Variants in TNFSF8 observed in about 807,000 individuals in gnomAD.
The protein encoded by TNFSF8 is TNF superfamily member 8.
Under a neutral mutation model 22.0 loss-of-function variants are expected in TNFSF8, and 4 were observed. That is an observed-to-expected ratio of 0.18 (90% CI 0.09 to 0.42). The LOEUF (loss-of-function observed/expected upper bound fraction) is 0.42, where lower values mean the gene tolerates loss of function less well. TNFSF8 is among the 10% of genes least tolerant of loss of function. TNFSF8 has a pLI of 1.00. For missense variants in TNFSF8, 233 were observed against 281.8 expected, an observed-to-expected ratio of 0.83 and a Z score of 1.24; for synonymous variants, 106 against 112.5, an observed-to-expected ratio of 0.94 and a Z score of 0.37.
chr9:114,894,716 G>A (rs1037484930), intron 4 of TNFSF8, among the ~76,000 whole-genome samples: 8 of 152,196 alleles, frequency 5.3e-5, no homozygotes, highest in Non-Finnish European at 1.0e-4. Flanking sequence ...GCAAGCAAGC[G>A]TTCAGTAAGT....
At chr9:114,929,612 A>G (rs1828110064) in intron 1 of TNFSF8, among the ~76,000 whole-genome samples, 1 of 151,938 alleles carries the variant, frequency 6.6e-6, no homozygotes, top group African/African-American at 2.4e-5. Flanking sequence ...AGGATATAGA[A>G]CCTCAGAATC....
intron 2 of TNFSF8, among the ~76,000 whole-genome samples, chr9:114,911,288 C>T (rs1462045371): frequency 6.6e-6 from 1 of 152,182 alleles, no homozygotes; most frequent in African/African-American, 2.4e-5. Flanking sequence ...ATGTTTTAAT[C>T]CTTCCAAGAA....
At chr9:114,916,366 C>T (rs935333653) in intron 2 of TNFSF8, among the ~76,000 whole-genome samples, 3 of 152,126 alleles carry the variant, frequency 2.0e-5, no homozygotes, top group Admixed American at 2.0e-4. Context: ...CTATGCTTGG[C>T]GACTTTGCAT....
chr9:114,894,223 G>T, intron 4 of TNFSF8: 1 of 1,428,874 alleles, frequency 7.0e-7, no homozygotes, highest in South Asian at 1.2e-5. Context: ...GATACATTTT[G>T]ACGTTGTTGT....
At chr9:114,914,888 G>T (rs759322975) in intron 2 of TNFSF8, among the ~76,000 whole-genome samples, 3 of 152,174 alleles carry the variant, frequency 2.0e-5, no homozygotes, top group African/African-American at 4.8e-5. Flanking sequence ...ACCCAAAAGG[G>T]TTTGATTTTT....
At chr9:114,905,782 A>T in intron 3 of TNFSF8, 46 bp downstream of exon 3, 1 of 1,458,918 alleles carries the variant, frequency 6.9e-7, no homozygotes, top group South Asian at 1.1e-5. Flanking sequence ...GAAAAGCCAC[A>T]GAAGCGGTTT....
chr9:114,902,092 A>C lies in TNFSF8; in HGVS notation c.*1839T>G, dbSNP rs576242534. ...AGCATAACATCAGGGCCTACATTCC[A>C]TCTCAAACGGCTTGTCAAGGTCCTT... On this transcript the variant is annotated 3_prime_UTR_variant, in exon 4 of 4. Transcript: ENST00000223795. 50 of 985,354 alleles carry C rather than the reference A, an allele frequency of 5.1e-5. No individual in the cohort carries two copies. The African/African-American group carries it at 7.5e-4, about 15-fold the overall frequency. 61.0% of individuals were successfully genotyped at this position (985,354 alleles called of 1,614,324 possible). A position where few individuals can be genotyped will look rare whatever the true frequency, so the allele number is the denominator to read the frequency against.
At chr9:114,918,278 C>A in intron 1 of TNFSF8, 140 bp from the exon 2 acceptor site, 1 of 651,594 alleles carries the variant, frequency 1.5e-6, no homozygotes, top group Non-Finnish European at 2.4e-6. Flanking sequence ...AAAATTAATT[C>A]ACTGATGTAG....
rs956707028 is a variant in TNFSF8 at position 114,901,477 on chromosome 9, GA to G, written c.*2453del. The stretch of plus-strand genomic sequence containing the variant: ...TACCTCTGCTCAGAGAACAGTTGGT[GA>G]AAAATGAAAATGGAATCTTTCTCGA... On this transcript the variant is annotated 3_prime_UTR_variant, in exon 4 of 4. Coordinates refer to ENST00000223795, the MANE Select transcript of TNFSF8 (RefSeq NM_001244.4). The G allele has an allele frequency of 3.3e-5, 33 of 985,256 alleles. No individual in the cohort carries two copies. The African/African-American group carries it at 5.8e-4, about 17-fold the overall frequency. The allele number at this position is 985,256 out of a possible 1,614,324, so 61.0% of individuals were successfully genotyped here.
chr9:114,913,236 A>T (rs1307793584), intron 2 of TNFSF8, among the ~76,000 whole-genome samples: 2 of 152,162 alleles, frequency 1.3e-5, no homozygotes, highest in Non-Finnish European at 2.9e-5. Context: ...CCACTGTTCC[A>T]ACTTCCTTAG....
At chr9:114,904,962 C>T (rs3181363) in intron 3 of TNFSF8, among the ~76,000 whole-genome samples, 54,964 of 152,026 alleles carry the variant, frequency 0.36, 10,463 homozygotes, top group Admixed American at 0.45. Context: ...TTGTGCAGGT[C>T]CCCCATGTGC....
chr9:114,901,325 CTTTT>C lies in TNFSF8; in HGVS notation c.*2602_*2605del, dbSNP rs911671073. The C allele has an allele frequency of 6.1e-6, 6 of 985,178 alleles. No individual in the cohort carries two copies. In the African/African-American group the frequency reaches 1.0e-4, roughly 17 times the overall value. The allele number at this position is 985,178 out of a possible 1,614,324, so 61.0% of individuals were successfully genotyped here. A position where few individuals can be genotyped will look rare whatever the true frequency, so the allele number is the denominator to read the frequency against. ...CAGTTGAGTTATTAATGATTATTCT[CTTTT>C]TTTGTTTGTTTGGTTACATTATTCA... On this transcript the variant is annotated 3_prime_UTR_variant, in exon 4 of 4. Transcript: ENST00000223795.
chr9:114,905,939 G>A (rs202148725), intron 2 of TNFSF8, 40 bp from the exon 3 acceptor site: 95 of 1,417,234 alleles, frequency 6.7e-5, no homozygotes, highest in Admixed American at 3.9e-4. Flanking sequence ...GTCTTTTGCC[G>A]TTTTGGGATC....
intron 2 of TNFSF8, among the ~76,000 whole-genome samples, chr9:114,915,555 G>C (rs961851705): frequency 2.6e-5 from 4 of 152,172 alleles, no homozygotes; most frequent in Admixed American, 2.6e-4. Context: ...GGTGGAAGCC[G>C]GTCATGCAGG....
At chr9:114,897,539 G>A (rs1452676860), downstream of TNFSF8, among the ~76,000 whole-genome samples, 1 of 152,172 alleles carries the variant, frequency 6.6e-6, no homozygotes, top group African/African-American at 2.4e-5. Flanking sequence ...AAGCATGGAA[G>A]GTGACAGCAA....
intron 2 of TNFSF8, among the ~76,000 whole-genome samples, chr9:114,908,645 G>GA (rs547947150): frequency 0.21 from 31,253 of 147,396 alleles, 6,975 homozygotes; most frequent in African/African-American, 0.56. Context: ...CCCGAGGATG[G>GA]AAAAAAAAAA....
At chr9:114,919,437 A>G (rs1827961078) in intron 1 of TNFSF8, among the ~76,000 whole-genome samples, 1 of 152,222 alleles carries the variant, frequency 6.6e-6, no homozygotes, top group African/African-American at 2.4e-5. Context: ...AGGAGTTAAC[A>G]GAAGCAGAGA....
In TNFSF8 at chr9:114,930,533, T is replaced by C; in HGVS notation, c.-230A>G. 2.5e-6 allele frequency: 1 copy of C among 403,416 alleles called. No homozygotes were observed. The highest frequency in any genetic ancestry group is 4.4e-6 in the Non-Finnish European group (1 of 226,344). The allele number at this position is 403,416 out of a possible 1,614,324, so 25.0% of individuals were successfully genotyped here. A position where few individuals can be genotyped will look rare whatever the true frequency, so the allele number is the denominator to read the frequency against. ...TTTCATTGCCAGGGATTAAGTTGTG[T>C]GCAGAGAAACTAGCTACAGAGAAGG... On this transcript the variant is annotated 5_prime_UTR_variant, in exon 1 of 4. Coordinates refer to ENST00000223795, the MANE Select transcript of TNFSF8 (RefSeq NM_001244.4).
Position 114,901,196 on chromosome 9 carries a change from A to AT in TNFSF8, c.*2734dup, listed in dbSNP as rs1182468770. The stretch of plus-strand genomic sequence containing the variant: ...TACTTGCATAGATATCATTTTACTC[A>AT]TGGAGTATCATTTGCTCATAACATT... On this transcript the variant is annotated 3_prime_UTR_variant, in exon 4 of 4. Transcript: ENST00000223795. 3.0e-5 allele frequency: 30 copies of AT among 985,276 alleles called. No individual in the cohort carries two copies. Among genetic ancestry groups the AT allele is most frequent in the Non-Finnish European group, 3.4e-5 (28 of 829,916 alleles). The allele number at this position is 985,276 out of a possible 1,614,324, so 61.0% of individuals were successfully genotyped here.
Sources: allele counts gnomAD v4.1 joint callset (sites outside exome capture counted in the v4.1 genomes callset), GRCh38; gene constraint gnomAD v4.1.1; transcripts MANE v1.5; gene names NCBI Gene and HGNC (gene_info 2026-07-23, HGNC 2026-07-21).